CYP2C8: variants seen among roughly 807,000 people sequenced by gnomAD.
CYP2C8 encodes cytochrome P450 2C8.
CYP2C8 carries 51 observed loss-of-function variants against 41.3 expected under a neutral mutation model. The observed-to-expected ratio is 1.24, with a 90% CI of 0.99 to 1.56. CYP2C8 has a LOEUF of 1.56. Among genes scored for constraint, CYP2C8 ranks in the 40% most tolerant of loss-of-function variants. The pLI is 0.00. For missense variants in CYP2C8, 651 were observed against 579.9 expected, an observed-to-expected ratio of 1.12 and a Z score of -1.26; for synonymous variants, 218 against 205.8, an observed-to-expected ratio of 1.06 and a Z score of -0.51.
chr10:95,042,765 C>T, intron 7 of CYP2C8, 125 bp downstream of exon 7: 1 of 822,510 alleles, frequency 1.2e-6, no homozygotes, highest in Non-Finnish European at 2.1e-6. Context: ...GCAGAAAGTC[C>T]ATCAAGCTGC....
At position 95,069,226 on chromosome 10, in the gene CYP2C8, C is replaced by T. The variant is rs753439600; in HGVS notation, c.168+9G>A. The T allele has an allele frequency of 1.9e-6, 3 of 1,613,968 alleles. No homozygotes were observed. In the East Asian group the frequency reaches 6.7e-5, roughly 36 times the overall value. On this transcript the variant is annotated intron_variant, in intron 1 of 8. Transcript: ENST00000371270. ...TGCAATTGGCTGGAGGAACATAAGGCAGACTTACATTGGTGAAAGATTTGC... is the reference window on the plus strand; with the variant it reads ...TGCAATTGGCTGGAGGAACATAAGGTAGACTTACATTGGTGAAAGATTTGC...
At chr10:95,059,244 G>A (rs1254364464) in intron 4 of CYP2C8, among the ~76,000 whole-genome samples, 1 of 152,170 alleles carries the variant, frequency 6.6e-6, no homozygotes, top group Non-Finnish European at 1.5e-5. Context: ...GGTTGAACTA[G>A]TTTACAGTCC....
At chr10:95,054,185 T>TA (rs1323345285) in intron 5 of CYP2C8, among the ~76,000 whole-genome samples, 3 of 151,852 alleles carry the variant, frequency 2.0e-5, no homozygotes, top group South Asian at 2.1e-4. Flanking sequence ...TGGATTTTTT[T>TA]AAAAAAAATT....
chr10:95,061,057 G>A (rs2033417304), intron 4 of CYP2C8, among the ~76,000 whole-genome samples: 1 of 152,096 alleles, frequency 6.6e-6, no homozygotes, highest in African/African-American at 2.4e-5. Context: ...AATTTATTGA[G>A]GATTCTTGCA....
chr10:95,045,128 C>A (rs977593562), intron 6 of CYP2C8, among the ~76,000 whole-genome samples: 1 of 152,146 alleles, frequency 6.6e-6, no homozygotes, highest in African/African-American at 2.4e-5. Flanking sequence ...AATGTAAATT[C>A]TAAGGAAATG....
At chr10:95,062,538 G>A (rs2033459168) in intron 4 of CYP2C8, among the ~76,000 whole-genome samples, 1 of 152,096 alleles carries the variant, frequency 6.6e-6, no homozygotes. Context: ...GTGCGTCTCT[G>A]CACATGAGAT....
intron 1 of CYP2C8, 149 bp from the exon 2 acceptor site, chr10:95,067,840 G>T: frequency 2.2e-6 from 2 of 904,362 alleles, no homozygotes; most frequent in Non-Finnish European, 3.4e-6. Flanking sequence ...ACATAAATGT[G>T]ATGGTGATTG....
At chr10:95,037,353 C>T in intron 8 of CYP2C8, 44 bp from the exon 9 acceptor site, 1 of 1,544,404 alleles carries the variant, frequency 6.5e-7, no homozygotes, top group Non-Finnish European at 8.9e-7. Flanking sequence ...TTGTGTTTAA[C>T]TGTGACTGTG....
intron 5 of CYP2C8, among the ~76,000 whole-genome samples, chr10:95,047,174 GCAT>G (rs776578645): frequency 3.3e-5 from 5 of 152,188 alleles, no homozygotes; most frequent in Non-Finnish European, 5.9e-5. Context: ...GCAGATGCAA[GCAT>G]CATGCTTGTA....
chr10:95,064,697 A>G (rs1311591638), intron 4 of CYP2C8, 103 bp downstream of exon 4: 4 of 1,135,516 alleles, frequency 3.5e-6, no homozygotes, highest in Non-Finnish European at 3.8e-6. Context: ...CATCATTTTT[A>G]TTGTATAAAA....
At chr10:95,048,676 AT>A (rs1191516006) in intron 5 of CYP2C8, among the ~76,000 whole-genome samples, 4 of 152,118 alleles carry the variant, frequency 2.6e-5, no homozygotes, top group Non-Finnish European at 5.9e-5. Context: ...GGCTGTGCCT[AT>A]TGGCTTCCAG....
chr10:95,068,927 G>A (rs1237234055), intron 1 of CYP2C8, among the ~76,000 whole-genome samples: 1 of 152,150 alleles, frequency 6.6e-6, no homozygotes, highest in African/African-American at 2.4e-5. Flanking sequence ...CGGGCATGGT[G>A]GAGGGCACCT....
intron 7 of CYP2C8, chr10:95,041,043 C>T (rs866656878): frequency 1.9e-4 from 88 of 453,098 alleles, no homozygotes; most frequent in South Asian, 1.3e-3. Context: ...AGTAACAGAA[C>T]AAATCCAGCT....
intron 4 of CYP2C8, among the ~76,000 whole-genome samples, chr10:95,064,418 C>T (rs2033513435): frequency 6.6e-6 from 1 of 152,140 alleles, no homozygotes; most frequent in Non-Finnish European, 1.5e-5. Context: ...GGGCATGGGA[C>T]CCTCCAAGCC....
At chr10:95,046,331 A>T (rs1293295892) in intron 5 of CYP2C8, among the ~76,000 whole-genome samples, 1 of 152,220 alleles carries the variant, frequency 6.6e-6, no homozygotes, top group Non-Finnish European at 1.5e-5. Flanking sequence ...GAAGGCTGGG[A>T]AGTCCAAGAG....
At position 95,067,637 on chromosome 10, in the gene CYP2C8, C is replaced by G; in HGVS notation, c.223G>C (p.Val75Leu). 1 of 1,614,124 alleles carries G rather than the reference C, an allele frequency of 6.2e-7. No homozygotes were observed. The highest frequency in any genetic ancestry group is 1.1e-5 in the South Asian group (1 of 91,090). Residue 75 changes from valine to leucine, a missense_variant, in exon 2 of 9, where the codon GTG (valine) becomes CTG (leucine). Val to Leu is a conservative substitution (Grantham distance 32). Coordinates refer to ENST00000371270, the MANE Select transcript of CYP2C8 (RefSeq NM_000770.3). ...ACTGCCTCATATCCATGAAACACCA[C>G]TATGGGATTCATGCCAAAATACACG... Reference protein sequence around the residue: ...FTVYFGMNPIVVFHGYEAVKE... With the variant: ...FTVYFGMNPILVFHGYEAVKE...
intron 5 of CYP2C8, among the ~76,000 whole-genome samples, chr10:95,048,584 G>GT (rs1347211196): frequency 3.3e-5 from 5 of 152,334 alleles, no homozygotes; most frequent in African/African-American, 1.2e-4. Flanking sequence ...CTGGGGTGAT[G>GT]TGGGTATGGT....
At chr10:95,037,733 A>G (rs1370060232) in intron 8 of CYP2C8, among the ~76,000 whole-genome samples, 1 of 152,114 alleles carries the variant, frequency 6.6e-6, no homozygotes, top group East Asian at 1.9e-4. Context: ...CACTTTTCAC[A>G]TAATCTGTTC....
rs928099015 is a variant in CYP2C8, at chr10:95,037,382, C to T, written c.1292-73G>A. On this transcript the variant is annotated intron_variant, in intron 8 of 8. Coordinates refer to ENST00000371270, the MANE Select transcript of CYP2C8 (RefSeq NM_000770.3). ...GACTGTGACAAACAGTCATTTGTGA[C>T]TTGCACAAACAGAATATGCAGTAAA... 8 of 1,317,862 alleles carry T rather than the reference C, an allele frequency of 6.1e-6. No individual in the cohort carries two copies. The Admixed American group carries it at 9.1e-5, about 15-fold the overall frequency. The allele number at this position is 1,317,862 out of a possible 1,614,324, so 81.6% of individuals were successfully genotyped here.
Sources: gnomAD v4.1 joint callset for allele counts (sites outside exome capture counted in the v4.1 genomes callset) on GRCh38, gnomAD v4.1.1 for gene constraint, MANE v1.5 for transcripts, NCBI Gene and HGNC (gene_info 2026-07-23, HGNC 2026-07-21) for gene names.